The following SNX11 variants were observed in gnomAD, a reference collection of about 807,000 sequenced individuals.
SNX11 encodes the protein sorting nexin-11.
A neutral mutation model predicts 30.7 loss-of-function variants in SNX11; 19 were observed. That is an observed-to-expected ratio of 0.62 (90% CI 0.43 to 0.91). The LOEUF (loss-of-function observed/expected upper bound fraction) is 0.91, where lower values mean the gene tolerates loss of function less well. Among genes scored for constraint, SNX11 ranks in the 40% least tolerant of loss-of-function variants. The probability of loss-of-function intolerance (pLI) is 0.00; values close to 1 mark genes in which losing one functional copy is unlikely to be tolerated. For missense variants in SNX11, 302 were observed against 326.7 expected (o/e 0.92, Z 0.58); for synonymous variants, 112 against 119.0 (o/e 0.94, Z 0.38).
At chr17:48,120,771 A>T (rs937761296) in intron 6 of SNX11, among the ~76,000 whole-genome samples, 1 of 151,566 alleles carries the variant, frequency 6.6e-6, no homozygotes, top group Non-Finnish European at 1.5e-5. Flanking sequence ...CGGTCTCCCA[A>T]AGTGCTGGGA....
At position 48,121,443 on chromosome 17, in the gene SNX11, G is replaced by C. The variant is rs34486477; in HGVS notation, c.748G>C (p.Ala250Pro). Residue 250 changes from alanine (A) to proline (P), a missense_variant, in exon 7 of 7, where the codon GCT (alanine) becomes CCT (proline). By Grantham distance (27) the Ala-to-Pro change is conservative. Coordinates refer to ENST00000359238, the MANE Select transcript of SNX11 (RefSeq NM_013323.3). ...GTSTLQSVRR[A>P]VGGDHAVPLD... ...CTCCACTCTTCAGTCTGTGAGGAGG[G>C]CTGTGGGAGGAGATCATGCTGTGCC... 2.7e-5 allele frequency: 44 copies of C among 1,614,046 alleles called. No individual in the cohort carries two copies. The African/African-American group carries it at 4.7e-4, about 17-fold the overall frequency.
At chr17:48,112,887 C>T (rs768720406) in intron 3 of SNX11, 23 of 330,710 alleles carry the variant, frequency 7.0e-5, no homozygotes, top group Non-Finnish European at 1.2e-4. Context: ...TGTGCCACCA[C>T]GCCCAGCTAA....
Position 48,109,465 on chromosome 17 carries a change from G to A in SNX11, c.-14+1627G>A, listed in dbSNP as rs1226620806. 2.6e-5 allele frequency among the ~76,000 whole-genome samples: 4 copies of A among 151,878 alleles called. No individual in the cohort carries two copies. In the East Asian group the frequency reaches 5.8e-4, roughly 22 times the overall value. On this transcript the variant is annotated intron_variant, in intron 1 of 6. Transcript: ENST00000359238. The stretch of plus-strand genomic sequence containing the variant: ...AGTAAAGAAGGGGTTTCACCATGTT[G>A]GCCAGGATGGTCTCAATCTCTTGAC...
intron 1 of SNX11, among the ~76,000 whole-genome samples, chr17:48,108,580 A>G (rs2063459373): frequency 6.6e-6 from 1 of 152,258 alleles, no homozygotes; most frequent in South Asian, 2.1e-4. Context: ...AGAAAGCTTT[A>G]CGATGAATCT....
At position 48,119,084 on chromosome 17, in the gene SNX11, C is replaced by T. The variant is rs2063574140; in HGVS notation, c.437C>T (p.Thr146Ile). Residue 146 changes from threonine to isoleucine, a missense_variant, in exon 6 of 7, where the codon ACT becomes ATT. Physicochemically the swap from Thr to Ile is moderately conservative, Grantham distance 89. Coordinates refer to ENST00000359238, the MANE Select transcript of SNX11 (RefSeq NM_013323.3). ...TGTGTCCAGGGCCGAAGTACCATGA[C>T]TGTGTCTGATGCCATTCTTCGATAT... ...EACVQGRSTM[T>I]VSDAILRYAM... 1.2e-6 allele frequency: 2 copies of T among 1,614,166 alleles called. No homozygotes were observed. Among genetic ancestry groups the T allele is most frequent in the East Asian group, 2.2e-5 (1 of 44,884 alleles).
At chr17:48,108,917 T>C (rs1166897559) in intron 1 of SNX11, among the ~76,000 whole-genome samples, 1 of 152,200 alleles carries the variant, frequency 6.6e-6, no homozygotes. Context: ...TCTAGGTTTT[T>C]GTATTTGTTC....
intron 4 of SNX11, 138 bp downstream of exon 4, chr17:48,113,539 GT>G: frequency 1.9e-6 from 1 of 528,508 alleles, no homozygotes. Flanking sequence ...TTCTTTTTTT[GT>G]TTTTTGGGTT....
chr17:48,111,185 A>G (rs1485053932), intron 1 of SNX11: 2 of 945,016 alleles, frequency 2.1e-6, no homozygotes, highest in African/African-American at 3.5e-5. Context: ...GGAAGGTCCC[A>G]ACTGGGCAAC....
At chr17:48,118,643 G>T in intron 4 of SNX11, 61 bp from the exon 5 acceptor site, 1 of 1,208,480 alleles carries the variant, frequency 8.3e-7, no homozygotes, top group East Asian at 2.4e-5. Flanking sequence ...TTGATCAGAG[G>T]CCGGAATGAC....
At chr17:48,111,059 T>C in intron 1 of SNX11, 1 of 983,724 alleles carries the variant, frequency 1.0e-6, no homozygotes, top group Non-Finnish European at 1.2e-6. Context: ...GAACGCATCC[T>C]GAGTCGACCT....
chr17:48,120,507 C>CT (rs71141968), intron 6 of SNX11, among the ~76,000 whole-genome samples: 16,031 of 69,492 alleles, frequency 0.23, 3,874 homozygotes, highest in African/African-American at 0.33. Flanking sequence ...CGCACCTGGC[C>CT]TTTTTTTTTT....
rs1372168636 is a variant in SNX11 at position 48,118,994 on chromosome 17, T to C, written c.347T>C (p.Leu116Pro). ...CCCAGGGTCCTGCAGAGTGTGGTTC[T>C]CCTGTCAGACAGCCAGTTGCACCTA... ...FLEKVLQSVVLLSDSQLHLFL... is the reference protein window; with the variant it reads ...FLEKVLQSVVPLSDSQLHLFL... The change falls in exon 6 of 7, where the codon CTC (leucine) becomes CCC (proline). Residue 116 changes from leucine to proline, a missense_variant. Leu to Pro is a moderately conservative substitution (Grantham distance 98). Coordinates refer to ENST00000359238, the MANE Select transcript of SNX11 (RefSeq NM_013323.3). The C allele has an allele frequency of 3.7e-6, 6 of 1,613,944 alleles. No homozygotes were observed. The East Asian group carries it at 1.3e-4, about 36-fold the overall frequency.
In SNX11 at chr17:48,117,212, C is replaced by T. The variant is rs374510711; in HGVS notation, c.231-1492C>T. Among the ~76,000 whole-genome samples, 11 of 150,526 alleles carry T rather than the reference C, an allele frequency of 7.3e-5. No individual in the cohort carries two copies. In the South Asian group the frequency reaches 1.3e-3, roughly 17 times the overall value. On this transcript the variant is annotated intron_variant, in intron 4 of 6. Coordinates refer to ENST00000359238, the MANE Select transcript of SNX11 (RefSeq NM_013323.3). ...TGGGGATTACAGGCATGTGCCACCA[C>T]GCCTGGCTAATTATGTATTTTTATT...
At chr17:48,115,993 C>T (rs1159472341) in intron 4 of SNX11, among the ~76,000 whole-genome samples, 3 of 146,630 alleles carry the variant, frequency 2.0e-5, no homozygotes, top group Admixed American at 7.0e-5. Context: ...CTCTGCCGGT[C>T]GCGGTGGCTC....
At chr17:48,119,774 C>T (rs1044301284) in intron 6 of SNX11, among the ~76,000 whole-genome samples, 4 of 152,074 alleles carry the variant, frequency 2.6e-5, no homozygotes, top group Admixed American at 6.6e-5. Flanking sequence ...AATTTACCTG[C>T]CATAAAGTTT....
At chr17:48,108,971 C>T (rs7208490) in intron 1 of SNX11, among the ~76,000 whole-genome samples, 4,109 of 152,232 alleles carry the variant, frequency 0.027, 175 homozygotes, top group African/African-American at 0.092. Context: ...CTTGCTCTGT[C>T]GCCCAGGCTG....
At chr17:48,119,229 A>G in intron 6 of SNX11, 43 bp downstream of exon 6, 1 of 1,462,936 alleles carries the variant, frequency 6.8e-7, no homozygotes, top group Non-Finnish European at 9.6e-7. Context: ...TAGGTTTGCT[A>G]TAACCTGGAC....
At chr17:48,114,958 C>T (rs1303956675) in intron 4 of SNX11, among the ~76,000 whole-genome samples, 1 of 151,824 alleles carries the variant, frequency 6.6e-6, no homozygotes, top group Non-Finnish European at 1.5e-5. Flanking sequence ...TGAGCCACTG[C>T]GCCCAGCCTG....
intron 2 of SNX11, 27 bp downstream of exon 2, chr17:48,112,112 G>A (rs781616234): frequency 8.1e-6 from 13 of 1,608,518 alleles, no homozygotes; most frequent in Non-Finnish European, 1.1e-5. Context: ...CAGAGAACAG[G>A]TGGGTAAAAG....
Sources: gnomAD v4.1 joint callset for allele counts (sites outside exome capture counted in the v4.1 genomes callset) on GRCh38, gnomAD v4.1.1 for gene constraint, MANE v1.5 for transcripts, NCBI Gene and HGNC (gene_info 2026-07-23, HGNC 2026-07-21) for gene names.